RASEF: variants seen among roughly 807,000 people sequenced by gnomAD.
The protein encoded by RASEF is RAS and EF-hand domain containing, also known as ras and EF-hand domain-containing protein.
In RASEF, 68 loss-of-function variants were observed where a neutral mutation model predicts 90.1. The ratio of observed to expected loss-of-function variants is 0.75; its 90% CI spans 0.62 to 0.92. RASEF has a LOEUF of 0.92. Among genes scored for constraint, RASEF ranks in the 40% least tolerant of loss-of-function variants. RASEF has a pLI of 0.00. For synonymous variants in RASEF, 331 were observed against 345.2 expected, an observed-to-expected ratio of 0.96 and a Z score of 0.46; for missense variants, 949 against 937.2, an observed-to-expected ratio of 1.01 and a Z score of -0.16.
chr9:83,118,513 G>A, the RASEF span, among the ~76,000 whole-genome samples: 1 of 151,256 alleles, frequency 6.6e-6, no homozygotes, highest in Non-Finnish European at 1.5e-5. Context: ...GATTTTTTTT[G>A]CTTGCATAGA....
intron 1 of RASEF, among the ~76,000 whole-genome samples, chr9:83,039,571 A>G (rs1413670491): frequency 6.6e-6 from 1 of 152,140 alleles, no homozygotes; most frequent in African/African-American, 2.4e-5. Flanking sequence ...AGGACTAACT[A>G]TGGGAAATAT....
chr9:83,159,185 C>CA, the RASEF span, among the ~76,000 whole-genome samples: 19 of 103,256 alleles, frequency 1.8e-4, no homozygotes, highest in Non-Finnish European at 2.4e-4. Context: ...GACTCCGTCT[C>CA]AAAAAAAAAA....
chr9:83,112,279 TA>T, the RASEF span, among the ~76,000 whole-genome samples: 2 of 152,226 alleles, frequency 1.3e-5, no homozygotes, highest in Non-Finnish European at 2.9e-5. Flanking sequence ...ATTATACCTC[TA>T]AGACTCTATC....
the RASEF span, among the ~76,000 whole-genome samples, chr9:83,140,851 G>C: frequency 2.0e-5 from 3 of 151,984 alleles, no homozygotes; most frequent in African/African-American, 4.8e-5. Flanking sequence ...GAGGTGCAAG[G>C]CTGTTATAAA....
the RASEF span, among the ~76,000 whole-genome samples, chr9:83,125,337 A>G: frequency 5.3e-5 from 8 of 152,190 alleles, no homozygotes; most frequent in Non-Finnish European, 8.8e-5. Flanking sequence ...CAGAAAGATC[A>G]CAGCCCTGTC....
the RASEF span, among the ~76,000 whole-genome samples, chr9:83,186,079 C>A: frequency 1.3e-5 from 2 of 152,164 alleles, no homozygotes; most frequent in African/African-American, 4.8e-5. Flanking sequence ...GCCTGAGCAA[C>A]CATTTGCATA....
At chr9:83,162,712 T>C in the RASEF span, among the ~76,000 whole-genome samples, 1 of 152,158 alleles carries the variant, frequency 6.6e-6, no homozygotes, top group South Asian at 2.1e-4. Context: ...GAGAGGCAAG[T>C]ATAGAGAGTC....
chr9:83,093,397 T>TG, the RASEF span, among the ~76,000 whole-genome samples: 1 of 151,578 alleles, frequency 6.6e-6, no homozygotes, highest in African/African-American at 2.4e-5. Context: ...ATGGAGGGGG[T>TG]GGGAGGCTCA....
At chr9:82,990,696 T>G (rs548635090) in intron 15 of RASEF, among the ~76,000 whole-genome samples, 2 of 152,292 alleles carry the variant, frequency 1.3e-5, no homozygotes, top group East Asian at 3.9e-4. Context: ...ATTAAAAAAA[T>G]AGAATATTTC....
chr9:83,037,714 A>T (rs1161825542), intron 1 of RASEF, among the ~76,000 whole-genome samples: 1 of 151,090 alleles, frequency 6.6e-6, no homozygotes, highest in Non-Finnish European at 1.5e-5. Flanking sequence ...GCCTTTGAAG[A>T]ACTACTTAGC....
chr9:83,182,405 T>C, the RASEF span, among the ~76,000 whole-genome samples: 3 of 152,232 alleles, frequency 2.0e-5, no homozygotes, highest in Non-Finnish European at 4.4e-5. Context: ...TTTATGGTCA[T>C]AAATCTTCCT....
rs575870289 is a variant in RASEF, at chr9:83,063,028, C to T, written c.-161G>A. On this transcript the variant is annotated 5_prime_UTR_variant, in exon 1 of 17. Transcript: ENST00000376447. ...GAACGTCGGGCGGGGCGAGGAACGT[C>T]GGGGGTGGCCGAGCGGCTCCCTTCG... 2.7e-6 allele frequency: 2 copies of T among 735,054 alleles called. No homozygotes were observed. The highest frequency in any genetic ancestry group is 2.5e-5 in the South Asian group (1 of 39,540). 45.5% of individuals were successfully genotyped at this position (735,054 alleles called of 1,614,324 possible).
the RASEF span, among the ~76,000 whole-genome samples, chr9:83,204,304 ATGT>A: frequency 6.6e-6 from 1 of 152,058 alleles, no homozygotes; most frequent in East Asian, 1.9e-4. Flanking sequence ...GGACTGATCA[ATGT>A]TGTTTCAATT....
At chr9:83,081,997 A>G in the RASEF span, among the ~76,000 whole-genome samples, 145 of 152,324 alleles carry the variant, frequency 9.5e-4, 2 homozygotes, top group East Asian at 7.7e-4. Flanking sequence ...GAGAGCCAAC[A>G]AAAATGGGGA....
chr9:82,985,712 A>C (rs890419684), intron 16 of RASEF, among the ~76,000 whole-genome samples: 1 of 152,186 alleles, frequency 6.6e-6, no homozygotes, highest in Non-Finnish European at 1.5e-5. Flanking sequence ...TGAGGCCTGA[A>C]CCAAAGCAGA....
chr9:83,120,581 T>A, the RASEF span, among the ~76,000 whole-genome samples: 1 of 152,208 alleles, frequency 6.6e-6, no homozygotes, highest in African/African-American at 2.4e-5. Flanking sequence ...AATTGGAGGT[T>A]GTTCATTATC....
Position 83,062,990 on chromosome 9 carries a change from C to T in RASEF, c.-123G>A, listed in dbSNP as rs2117934411. On this transcript the variant is annotated 5_prime_UTR_variant, in exon 1 of 17. Transcript: ENST00000376447. ...GCGAGTTTGGCTCGTCCGGCTGGTT[C>T]GGCCACTTGAGGGAACGTCGGGCGG... The T allele has an allele frequency of 1.4e-5, 16 of 1,107,770 alleles. No homozygotes were observed. In the South Asian group the frequency reaches 2.8e-4, roughly 20 times the overall value. 68.6% of individuals were successfully genotyped at this position (1,107,770 alleles called of 1,614,324 possible).
At chr9:83,175,932 G>A in the RASEF span, among the ~76,000 whole-genome samples, 1 of 152,168 alleles carries the variant, frequency 6.6e-6, no homozygotes, top group African/African-American at 2.4e-5. Flanking sequence ...AATATATGGT[G>A]TATCCTGGAA....
In RASEF at chr9:83,012,486, C is replaced by T. The variant is rs765531621; in HGVS notation, c.791G>A (p.Ser264Asn). 26 of 1,591,068 alleles carry T rather than the reference C, an allele frequency of 1.6e-5. No individual in the cohort carries two copies. Among genetic ancestry groups the T allele is most frequent in the Non-Finnish European group, 2.1e-5 (25 of 1,169,760 alleles). ...RKLEEQSKRV[S>N]QKEDVAALKK... ...CAATGCAGCCACATCTTCCTTTTGACTTACGCGTTTTGATTGTTCTTCGAG... is the reference window on the plus strand; with the variant it reads ...CAATGCAGCCACATCTTCCTTTTGATTTACGCGTTTTGATTGTTCTTCGAG... Residue 264 changes from serine to asparagine, a missense_variant, in exon 5 of 17, where the codon AGT becomes AAT. Transcript: ENST00000376447.
Sources: gnomAD v4.1 joint callset for allele counts (sites outside exome capture counted in the v4.1 genomes callset) on GRCh38, gnomAD v4.1.1 for gene constraint, MANE v1.5 for transcripts, NCBI Gene and HGNC (gene_info 2026-07-23, HGNC 2026-07-21) for gene names.